Variants in FAXDC2 observed in about 807,000 individuals in gnomAD.
The protein encoded by FAXDC2 is fatty acid hydroxylase domain-containing protein 2.
In FAXDC2, 41 loss-of-function variants were observed where a neutral mutation model predicts 40.9. The ratio of observed to expected loss-of-function variants is 1.00; its 90% CI spans 0.78 to 1.30. The LOEUF (loss-of-function observed/expected upper bound fraction) is 1.30. Ranked by LOEUF, FAXDC2 falls within the 50% of genes most tolerant of loss-of-function variation. The probability of loss-of-function intolerance (pLI) is 0.00; values close to 1 mark genes in which losing one functional copy is unlikely to be tolerated. For missense variants in FAXDC2, 390 were observed against 408.8 expected, an observed-to-expected ratio of 0.95 and a Z score of 0.40; for synonymous variants, 157 against 149.3, an observed-to-expected ratio of 1.05 and a Z score of -0.38.
intron 5 of FAXDC2, among the ~76,000 whole-genome samples, chr5:154,828,597 GT>G (rs796669821): frequency 2.1e-4 from 31 of 144,716 alleles, no homozygotes; most frequent in African/African-American, 6.9e-4. Flanking sequence ...TTAGTTTTTT[GT>G]TTTTTTTTTC....
At chr5:154,823,354 G>GAGCC (rs1162209534) in intron 6 of FAXDC2, 33 bp downstream of exon 6, 1 of 1,600,502 alleles carries the variant, frequency 6.2e-7, no homozygotes, top group East Asian at 2.2e-5. Context: ...ACAGGATGAG[G>GAGCC]AGCCAGCTGT....
intron 5 of FAXDC2, 49 bp from the exon 6 acceptor site, chr5:154,823,641 G>C (rs747194045): frequency 2.7e-6 from 4 of 1,500,484 alleles, no homozygotes; most frequent in Non-Finnish European, 3.7e-6. Context: ...TGAGAAGTAG[G>C]CTCCACCGTG....
chr5:154,823,102 C>G (rs1004074059), intron 6 of FAXDC2, among the ~76,000 whole-genome samples: 1 of 152,176 alleles, frequency 6.6e-6, no homozygotes, highest in African/African-American at 2.4e-5. Flanking sequence ...GCCTTGACCT[C>G]CCGGGCTCAT....
At chr5:154,822,249 C>A (rs1292039738) in intron 7 of FAXDC2, 5 of 505,774 alleles carry the variant, frequency 9.9e-6, no homozygotes, top group Non-Finnish European at 1.8e-5. Flanking sequence ...CAGAGCAAGA[C>A]CCTGTCTCAA....
chr5:154,823,706 A>ACC, intron 5 of FAXDC2, 114 bp from the exon 6 acceptor site: 1 of 812,914 alleles, frequency 1.2e-6, no homozygotes. Flanking sequence ...ATGTCGGGGG[A>ACC]CAGCCAGTAG....
chr5:154,823,713 G>A lies in FAXDC2; in HGVS notation c.367-121C>T. The A allele has an allele frequency of 3.9e-6, 3 of 769,458 alleles. No individual in the cohort carries two copies. The Admixed American group carries it at 7.1e-5, about 18-fold the overall frequency. The allele number at this position is 769,458 out of a possible 1,614,324, so 47.7% of individuals were successfully genotyped here. On this transcript the variant is annotated intron_variant, in intron 5 of 8. Coordinates refer to ENST00000326080, the MANE Select transcript of FAXDC2 (RefSeq NM_032385.5). Reference sequence around the variant, plus strand: ...TGGGAGAGATGTCGGGGGACAGCCAGTAGCTCCTGACTGCCACCCAGCTCT... The same window carrying A: ...TGGGAGAGATGTCGGGGGACAGCCAATAGCTCCTGACTGCCACCCAGCTCT...
chr5:154,825,639 A>C (rs1760009249), intron 5 of FAXDC2, among the ~76,000 whole-genome samples: 1 of 143,792 alleles, frequency 7.0e-6, no homozygotes, highest in Non-Finnish European at 1.5e-5. Flanking sequence ...TGACAGAGTG[A>C]GACTCCGTCT....
chr5:154,833,541 A>G (rs535113639), intron 4 of FAXDC2, among the ~76,000 whole-genome samples: 18 of 149,484 alleles, frequency 1.2e-4, no homozygotes, highest in African/African-American at 4.2e-4. Flanking sequence ...TTTAGTGAAA[A>G]AGGGATTTTG....
intron 6 of FAXDC2, 79 bp from the exon 7 acceptor site, chr5:154,822,656 A>G (rs1339792983): frequency 1.8e-6 from 2 of 1,098,282 alleles, no homozygotes; most frequent in African/African-American, 3.1e-5. Flanking sequence ...AACCAAAAAT[A>G]GGAACTAGGG....
rs1483956035 is a variant in FAXDC2, at chr5:154,819,614, C to G, written c.*702G>C. On this transcript the variant is annotated 3_prime_UTR_variant, in exon 9 of 9. Coordinates refer to ENST00000326080, the MANE Select transcript of FAXDC2 (RefSeq NM_032385.5). The stretch of plus-strand genomic sequence containing the variant: ...AGGTGTTAAAGTTTGGTCTGCACCT[C>G]GTTGGTTTTAATCCAGGGAGGAGCT... The G allele has an allele frequency of 6.6e-6, 1 of 152,122 alleles. No individual in the cohort carries two copies. The highest frequency in any genetic ancestry group is 1.5e-5 in the Non-Finnish European group (1 of 68,026). The allele number at this position is 152,122 out of a possible 1,614,324, so 9.4% of individuals were successfully genotyped here. A position where few individuals can be genotyped will look rare whatever the true frequency, so the allele number is the denominator to read the frequency against.
In FAXDC2 at chr5:154,823,487, T is replaced by G. The variant is rs1383009115; in HGVS notation, c.472A>C (p.Arg158=). The G allele has an allele frequency of 1.1e-5, 17 of 1,614,006 alleles. No individual in the cohort carries two copies. The highest frequency in any genetic ancestry group is 1.3e-5 in the Non-Finnish European group (15 of 1,180,018). The change falls in exon 6 of 9, where the codon AGA becomes CGA. Residue 158 remains arginine, a synonymous_variant. Transcript: ENST00000326080. ...VFLYPFLKWW[R]DPCRRELPTF... Reference sequence around the variant, plus strand: ...GGTAGCTCACGGCGGCAGGGGTCTCTCCACCATTTGAGGAAGGGATAGAGG... The same window carrying G: ...GGTAGCTCACGGCGGCAGGGGTCTCGCCACCATTTGAGGAAGGGATAGAGG...
In FAXDC2 at chr5:154,820,211, T is replaced by C; in HGVS notation, c.*105A>G. 2.2e-6 allele frequency: 2 copies of C among 915,828 alleles called. No individual in the cohort carries two copies. The highest frequency in any genetic ancestry group is 1.7e-5 in the South Asian group (1 of 59,296). The allele number at this position is 915,828 out of a possible 1,614,324, so 56.7% of individuals were successfully genotyped here. On this transcript the variant is annotated 3_prime_UTR_variant, in exon 9 of 9. Coordinates refer to ENST00000326080, the MANE Select transcript of FAXDC2 (RefSeq NM_032385.5). The stretch of plus-strand genomic sequence containing the variant: ...CCTTCCCTCTACCCTGGTGGTGCCA[T>C]CATTAGGGCGTGTGGCCGAAGGAGG...
chr5:154,823,311 G>A, intron 6 of FAXDC2, 76 bp downstream of exon 6: 1 of 1,370,408 alleles, frequency 7.3e-7, no homozygotes, highest in Admixed American at 1.7e-5. Flanking sequence ...ACTGCACCTG[G>A]CCTCAGTTTC....
At chr5:154,831,048 G>A (rs1760176133) in intron 4 of FAXDC2, 126 bp from the exon 5 acceptor site, 2 of 1,203,320 alleles carry the variant, frequency 1.7e-6, no homozygotes, top group Admixed American at 1.9e-5. Context: ...GGAGGTCTTA[G>A]GGCTTGGGAC....
chr5:154,823,726 GC>G, intron 5 of FAXDC2, 134 bp from the exon 6 acceptor site: 1 of 690,458 alleles, frequency 1.4e-6, no homozygotes, highest in Non-Finnish European at 2.5e-6. Flanking sequence ...GCTCCTGACT[GC>G]CACCCAGCTC....
rs763520486 is a variant in FAXDC2 at position 154,830,900 on chromosome 5, G to A, written c.267C>T (p.Leu89=). 1 of 1,614,146 alleles carries A rather than the reference G, an allele frequency of 6.2e-7. No individual in the cohort carries two copies. The highest frequency in any genetic ancestry group is 2.2e-5 in the East Asian group (1 of 44,890). The stretch of plus-strand genomic sequence containing the variant: ...GAAGCCCATTGAAGCTCCAGAAGAA[G>A]AGACAAGGCACTTGGATGGCACCTG... ...FFIGAIQVPC[L]FFWSFNGLLL... Residue 89 remains leucine (L), a synonymous_variant, in exon 5 of 9, where the codon CTC becomes CTT. Coordinates refer to ENST00000326080, the MANE Select transcript of FAXDC2 (RefSeq NM_032385.5).
intron 1 of FAXDC2, among the ~76,000 whole-genome samples, chr5:154,846,298 GTT>G (rs2113173215): frequency 6.6e-6 from 1 of 151,038 alleles, no homozygotes; most frequent in Admixed American, 6.7e-5. Flanking sequence ...GTGTGTGTGT[GTT>G]AATACCAAAG....
rs532463982 is a variant in FAXDC2 at position 154,840,249 on chromosome 5, TTTATTA to T, written c.1-2077_1-2072del. Among the ~76,000 whole-genome samples, 536 of 152,360 alleles carry T rather than the reference TTTATTA, an allele frequency of 3.5e-3. 2 individuals are homozygous for T. The highest frequency in any genetic ancestry group is 0.012 in the African/African-American group (517 of 41,584). ...AACTGCTCCCCTTTGACCCATTTTT[TTTATTA>T]TTATTTTTATTTTAATAACGAGGAG... On this transcript the variant is annotated intron_variant, in intron 1 of 8. Transcript: ENST00000326080.
At chr5:154,838,370 A>G (rs1760404465) in intron 1 of FAXDC2, 192 bp from the exon 2 acceptor site, 1 of 156,314 alleles carries the variant, frequency 6.4e-6, no homozygotes, top group Non-Finnish European at 1.4e-5. Flanking sequence ...AAGAATAGCT[A>G]GAAAAATGCC....
Sources: gnomAD v4.1 joint callset for allele counts (sites outside exome capture counted in the v4.1 genomes callset) on GRCh38, gnomAD v4.1.1 for gene constraint, MANE v1.5 for transcripts, NCBI Gene and HGNC (gene_info 2026-07-23, HGNC 2026-07-21) for gene names.